The following ASTN2 variants were observed in gnomAD, a reference collection of about 807,000 sequenced individuals.
The protein encoded by ASTN2 is astrotactin 2.
A neutral mutation model predicts 139.8 loss-of-function variants in ASTN2; 54 were observed. That is an observed-to-expected ratio of 0.39 (90% confidence interval 0.31 to 0.48). The LOEUF (loss-of-function observed/expected upper bound fraction) is 0.48. Among genes scored for constraint, ASTN2 ranks in the 20% least tolerant of loss-of-function variants. The pLI, the probability that ASTN2 is intolerant of heterozygous loss-of-function variation, is 0.95. For synonymous variants in ASTN2, 756 were observed against 719.5 expected, an observed-to-expected ratio of 1.05 and a Z score of -0.81; for missense variants, 1,565 against 1,725.1, an observed-to-expected ratio of 0.91 and a Z score of 1.64.
rs530985611 is a variant in ASTN2 at position 116,972,312 on chromosome 9, T to G, written c.1889+2896A>C. ...CATCCAAGGTGCTATGTATGGTTAC[T>G]GTGTTCTTTCATATTCATTATTAAT... On this transcript the variant is annotated intron_variant, in intron 10 of 22. Transcript: ENST00000313400. Among the ~76,000 whole-genome samples, 4 of 152,352 alleles carry G rather than the reference T, an allele frequency of 2.6e-5. No homozygotes were observed. The South Asian group carries it at 6.2e-4, about 24-fold the overall frequency.
intron 2 of ASTN2, among the ~76,000 whole-genome samples, chr9:117,258,657 C>G (rs1327143603): frequency 3.9e-5 from 6 of 152,168 alleles, no homozygotes; most frequent in Admixed American, 3.9e-4. Flanking sequence ...CATCAAAATT[C>G]TTTAGCCTTA....
intron 7 of ASTN2, among the ~76,000 whole-genome samples, chr9:116,990,331 G>A (rs1836816309): frequency 6.6e-6 from 1 of 152,086 alleles, no homozygotes; most frequent in South Asian, 2.1e-4. Context: ...GCAGTTGCAC[G>A]ATCTCAGCTC....
intron 16 of ASTN2, among the ~76,000 whole-genome samples, chr9:116,688,589 A>G (rs1441103887): frequency 6.6e-6 from 1 of 152,302 alleles, no homozygotes; most frequent in East Asian, 1.9e-4. Context: ...AAGATCCGTT[A>G]TCATGAGGCA....
At chr9:117,084,058 T>C (rs951418259) in intron 5 of ASTN2, among the ~76,000 whole-genome samples, 7 of 148,978 alleles carry the variant, frequency 4.7e-5, no homozygotes, top group African/African-American at 1.5e-4. Context: ...AAAAAGCCAA[T>C]GTCTATTTTC....
chr9:116,657,482 G>T (rs1742822), intron 16 of ASTN2, among the ~76,000 whole-genome samples: 140,756 of 152,280 alleles, frequency 0.92, 65,083 homozygotes, highest in East Asian at 0.97. Context: ...AGATGCAGAA[G>T]TTACAAAGGA....
At chr9:116,867,033 G>A (rs1033984734) in intron 10 of ASTN2, among the ~76,000 whole-genome samples, 13 of 152,178 alleles carry the variant, frequency 8.5e-5, no homozygotes, top group African/African-American at 2.9e-4. Context: ...CAGATAAAGG[G>A]ATCTAAAAGG....
intron 13 of ASTN2, among the ~76,000 whole-genome samples, chr9:116,743,803 GA>G (rs1243780742): frequency 3.9e-5 from 6 of 152,172 alleles, no homozygotes; most frequent in Non-Finnish European, 8.8e-5. Flanking sequence ...GTACCAGGCA[GA>G]AACATGTTTT....
At position 117,178,371 on chromosome 9, in the gene ASTN2, G is replaced by A. The variant is rs867253497; in HGVS notation, c.1015+35987C>T. 2.8e-4 allele frequency among the ~76,000 whole-genome samples: 42 copies of A among 152,326 alleles called. 1 individual carries two copies. Among genetic ancestry groups the A allele is most frequent in the African/African-American group, 9.9e-4 (41 of 41,566 alleles). On this transcript the variant is annotated intron_variant, in intron 3 of 22. Transcript: ENST00000313400. Reference sequence around the variant, plus strand: ...GTCAGTGAACAGAAGGAAAGGAGATGGGTAGGGAAGTGAGTTGGTTTTTGT... The same window carrying A: ...GTCAGTGAACAGAAGGAAAGGAGATAGGTAGGGAAGTGAGTTGGTTTTTGT...
intron 22 of ASTN2, among the ~76,000 whole-genome samples, chr9:116,435,038 A>G (rs765392972): frequency 1.3e-5 from 2 of 152,192 alleles, no homozygotes; most frequent in Non-Finnish European, 2.9e-5. Context: ...AAAAACTCTT[A>G]TCCCTCTAGT....
chr9:116,622,475 T>C (rs1856210282), intron 17 of ASTN2, among the ~76,000 whole-genome samples: 1 of 152,240 alleles, frequency 6.6e-6, no homozygotes, highest in African/African-American at 2.4e-5. Flanking sequence ...TGCATTAAAA[T>C]GTAATCATCA....
chr9:116,706,000 G>C (rs1021284355), intron 16 of ASTN2, among the ~76,000 whole-genome samples: 4 of 151,938 alleles, frequency 2.6e-5, no homozygotes, highest in African/African-American at 9.7e-5. Context: ...TTCTGCCCTA[G>C]TTTATATGAC....
At chr9:116,692,595 G>C (rs573783882) in intron 16 of ASTN2, among the ~76,000 whole-genome samples, 17 of 152,260 alleles carry the variant, frequency 1.1e-4, no homozygotes, top group Middle Eastern at 3.4e-3. Context: ...ACAATAAGTA[G>C]TAGAGCTTGA....
chr9:117,403,132 C>T (rs535862551), intron 1 of ASTN2, among the ~76,000 whole-genome samples: 1 of 152,258 alleles, frequency 6.6e-6, no homozygotes, highest in East Asian at 1.9e-4. Context: ...TTCAGATTCC[C>T]AGGCCTCTCC....
In ASTN2 at chr9:116,423,686, T is replaced by C. The variant is rs1251829745; in HGVS notation, c.*2165A>G. ...AATAATAGTAAACTTCCTGAAAGAG[T>C]GCCTTAGAGCTTAGATTGTGAGAGG... On this transcript the variant is annotated 3_prime_UTR_variant, in exon 23 of 23. Transcript: ENST00000313400. 6.6e-6 allele frequency among the ~76,000 whole-genome samples: 1 copy of C among 152,106 alleles called. No individual in the cohort carries two copies. Among genetic ancestry groups the C allele is most frequent in the African/African-American group, 2.4e-5 (1 of 41,410 alleles).
intron 3 of ASTN2, among the ~76,000 whole-genome samples, chr9:117,181,960 T>G (rs1341364874): frequency 6.6e-6 from 1 of 152,132 alleles, no homozygotes; most frequent in Admixed American, 6.5e-5. Context: ...CTGAGCCCAG[T>G]GCCCTCCTTC....
intron 10 of ASTN2, among the ~76,000 whole-genome samples, chr9:116,971,642 C>T (rs533818859): frequency 3.3e-5 from 5 of 152,186 alleles, no homozygotes; most frequent in Non-Finnish European, 7.3e-5. Flanking sequence ...CACTGAGCAA[C>T]TATCGATTTT....
At chr9:116,925,573 G>A (rs569601326) in intron 10 of ASTN2, among the ~76,000 whole-genome samples, 8 of 152,138 alleles carry the variant, frequency 5.3e-5, no homozygotes, top group South Asian at 2.1e-4. Flanking sequence ...ACACAGATAC[G>A]ATAAAGGAAG....
chr9:116,945,235 C>T lies in ASTN2; in HGVS notation c.1889+29973G>A, dbSNP rs73655556. Among the ~76,000 whole-genome samples the T allele has an allele frequency of 2.0e-3, 311 of 152,274 alleles. 3 individuals carry two copies. The highest frequency in any genetic ancestry group is 6.7e-3 in the African/African-American group (279 of 41,568). ...TCCCACTGGCCAGGACTGAGGATCA[C>T]GTATCAACTCTCACAAATCACTGGG... is the stretch of plus-strand genomic sequence containing the variant. On this transcript the variant is annotated intron_variant, in intron 10 of 22. Coordinates refer to ENST00000313400, the MANE Select transcript of ASTN2 (RefSeq NM_001365068.1).
chr9:116,470,223 A>T (rs980229896), intron 20 of ASTN2, among the ~76,000 whole-genome samples: 1 of 152,026 alleles, frequency 6.6e-6, no homozygotes, highest in Admixed American at 6.6e-5. Flanking sequence ...AATAAAAAAT[A>T]AAAAAAATAA....
Sources: gnomAD v4.1 joint callset for allele counts (sites outside exome capture counted in the v4.1 genomes callset) on GRCh38, gnomAD v4.1.1 for gene constraint, MANE v1.5 for transcripts, NCBI Gene and HGNC (gene_info 2026-07-23, HGNC 2026-07-21) for gene names.